Variants in RUFY3 observed in about 807,000 individuals in gnomAD.
The protein encoded by RUFY3 is protein RUFY3.
A neutral mutation model predicts 84.0 loss-of-function variants in RUFY3; 34 were observed. The observed-to-expected ratio is 0.40, with a 90% CI of 0.31 to 0.54. The LOEUF is 0.54. RUFY3 is among the 20% of genes least tolerant of loss of function. The probability of loss-of-function intolerance (pLI) is 0.39; values close to 1 mark genes in which losing one functional copy is unlikely to be tolerated. For missense variants in RUFY3, 507 were observed against 736.8 expected (o/e 0.69, Z 3.61); for synonymous variants, 242 against 252.9 (o/e 0.96, Z 0.41).
chr4:70,806,890 T>C lies in RUFY3; in HGVS notation c.*231T>C. The C allele has an allele frequency of 2.3e-6, 1 of 426,344 alleles. No individual in the cohort carries two copies. Among genetic ancestry groups the C allele is most frequent in the Non-Finnish European group, 4.1e-6 (1 of 241,608 alleles). 26.4% of individuals were successfully genotyped at this position (426,344 alleles called of 1,614,324 possible). ...TACTTGAGCCTTTCTCTTCTAAATC[T>C]AAACAACCTGATATTGAAGGTTTGC... On this transcript the variant is annotated 3_prime_UTR_variant, in exon 18 of 18. Coordinates refer to ENST00000381006, the MANE Select transcript of RUFY3 (RefSeq NM_001037442.4).
chr4:70,755,654 T>C (rs1233056362), intron 1 of RUFY3, among the ~76,000 whole-genome samples: 1 of 152,142 alleles, frequency 6.6e-6, no homozygotes, highest in African/African-American at 2.4e-5. Context: ...TCACATGCTT[T>C]TTGAAAGAAC....
chr4:70,764,395 A>G (rs1725495467), intron 3 of RUFY3, 80 bp from the exon 4 acceptor site: 4 of 951,868 alleles, frequency 4.2e-6, no homozygotes, highest in Non-Finnish European at 6.7e-6. Flanking sequence ...ACCATTAGCA[A>G]GAATAAGTGA....
Position 70,768,679 on chromosome 4 carries a change from A to G in RUFY3, c.696+18A>G. 2 of 1,611,702 alleles carry G rather than the reference A, an allele frequency of 1.2e-6. No homozygotes were observed. Among genetic ancestry groups the G allele is most frequent in the Non-Finnish European group, 8.5e-7 (1 of 1,178,734 alleles). On this transcript the variant is annotated intron_variant, in intron 5 of 17. Coordinates refer to ENST00000381006, the MANE Select transcript of RUFY3 (RefSeq NM_001037442.4). ...ACTCTCAGGTATGGGAAAGAGACTC[A>G]TTCCCATGGGTGTCACTCTGAGTTC...
chr4:70,716,217 C>T (rs181377028), intron 1 of RUFY3, among the ~76,000 whole-genome samples: 15 of 152,208 alleles, frequency 9.9e-5, no homozygotes, highest in African/African-American at 3.4e-4. Flanking sequence ...ATGACGTCGG[C>T]TCACTGTAAC....
intron 12 of RUFY3, chr4:70,793,242 TA>T: frequency 1.0e-6 from 1 of 986,772 alleles, no homozygotes; most frequent in South Asian, 4.7e-5. Context: ...CCTTATAGAA[TA>T]ACCCAAAGCC....
chr4:70,717,968 C>T (rs182683103), upstream of RUFY3, among the ~76,000 whole-genome samples: 185 of 149,864 alleles, frequency 1.2e-3, 1 homozygote, highest in African/African-American at 4.2e-3. Context: ...CTGCAACCTC[C>T]GCCTCCCGGG....
chr4:70,738,149 G>A (rs937854300), intron 1 of RUFY3, among the ~76,000 whole-genome samples: 3 of 150,148 alleles, frequency 2.0e-5, no homozygotes, highest in African/African-American at 7.4e-5. Flanking sequence ...ACCACACCTG[G>A]CTATTTCTTT....
intron 1 of RUFY3, chr4:70,741,737 A>G: frequency 7.8e-7 from 1 of 1,285,168 alleles, no homozygotes; most frequent in Non-Finnish European, 1.0e-6. Flanking sequence ...AAATTTTCTA[A>G]CCACCTTTTA....
At chr4:70,745,752 G>A (rs1421837550) in intron 1 of RUFY3, among the ~76,000 whole-genome samples, 1 of 152,144 alleles carries the variant, frequency 6.6e-6, no homozygotes, top group Non-Finnish European at 1.5e-5. Context: ...TTCTAGCACT[G>A]TGCCACATCG....
chr4:70,778,610 G>A lies in RUFY3; in HGVS notation c.894+172G>A, dbSNP rs377704018. Among the ~76,000 whole-genome samples the A allele has an allele frequency of 9.4e-4, 92 of 97,942 alleles. 1 individual carries two copies. In the South Asian group the frequency reaches 0.014, roughly 14 times the overall value. The allele number at this position is 97,942 out of a possible 152,430, so 64.3% of individuals were successfully genotyped here. A position where few individuals can be genotyped will look rare whatever the true frequency, so the allele number is the denominator to read the frequency against. On this transcript the variant is annotated intron_variant, in intron 8 of 17. Transcript: ENST00000381006. ...TTTTTTTTTTTTGAGATGGAGTTTC[G>A]CTTTTGTTGCCCAGGCTGGAGTGCA...
At chr4:70,766,821 A>G (rs1726019454) in intron 4 of RUFY3, among the ~76,000 whole-genome samples, 1 of 152,164 alleles carries the variant, frequency 6.6e-6, no homozygotes, top group African/African-American at 2.4e-5. Flanking sequence ...ATATGTATCC[A>G]TATGTCATTA....
intron 10 of RUFY3, among the ~76,000 whole-genome samples, chr4:70,787,443 G>A (rs1291655839): frequency 4.6e-5 from 7 of 151,286 alleles, no homozygotes; most frequent in Non-Finnish European, 1.5e-5. Context: ...TTTTAGTAGA[G>A]ATGGGGTTTC....
At chr4:70,763,702 A>C (rs373399955) in intron 3 of RUFY3, 33 bp downstream of exon 3, 1 of 1,596,840 alleles carries the variant, frequency 6.3e-7, no homozygotes, top group Non-Finnish European at 8.5e-7. Flanking sequence ...TTTCTCAGGA[A>C]CAGCATTCTT....
intron 4 of RUFY3, among the ~76,000 whole-genome samples, chr4:70,765,654 G>T (rs572222355): frequency 5.6e-4 from 85 of 152,250 alleles, no homozygotes; most frequent in African/African-American, 1.9e-3. Flanking sequence ...TCCTTCAGAG[G>T]CTATCAAAGA....
Position 70,800,211 on chromosome 4 carries a change from TGTTAATCAAG to T in RUFY3, c.1622+7_1622+16del, listed in dbSNP as rs748872938. On this transcript the variant is annotated splice_region_variant and intron_variant, in intron 15 of 17. Transcript: ENST00000381006. ...CCCCTGGAAGAAAGCCACAGGTGTT[TGTTAATCAAG>T]TATTAACTAAGATGTAAAGTTATTC... 6.3e-7 allele frequency: 1 copy of T among 1,597,282 alleles called. No individual in the cohort carries two copies. The highest frequency in any genetic ancestry group is 8.5e-7 in the Non-Finnish European group (1 of 1,174,386).
intron 4 of RUFY3, among the ~76,000 whole-genome samples, chr4:70,767,685 AT>A (rs202062817): frequency 8.2e-5 from 12 of 146,942 alleles, no homozygotes; most frequent in Admixed American, 1.4e-4. Flanking sequence ...GTCTTCACGA[AT>A]TTTTTTTTTT....
intron 12 of RUFY3, chr4:70,792,861 A>G (rs1220935985): frequency 1.0e-6 from 1 of 985,380 alleles, no homozygotes; most frequent in Non-Finnish European, 1.2e-6. Flanking sequence ...TTTAATTCTT[A>G]TAATTTGCAC....
At chr4:70,744,358 T>TTATG (rs113177648) in intron 1 of RUFY3, among the ~76,000 whole-genome samples, 4,618 of 150,712 alleles carry the variant, frequency 0.031, 208 homozygotes, top group African/African-American at 0.1. Flanking sequence ...TGGCTAATTT[T>TTATG]TATGTATGTA....
chr4:70,755,932 C>G (rs909018438), intron 1 of RUFY3, among the ~76,000 whole-genome samples: 11 of 146,002 alleles, frequency 7.5e-5, no homozygotes, highest in Middle Eastern at 7.0e-3. Context: ...TCCCGGGTGA[C>G]AGAGCGAGAT....
Sources: allele counts gnomAD v4.1 joint callset (sites outside exome capture counted in the v4.1 genomes callset), GRCh38; gene constraint gnomAD v4.1.1; transcripts MANE v1.5; gene names NCBI Gene and HGNC (gene_info 2026-07-23, HGNC 2026-07-21).